Variants in ZNF652 observed in about 807,000 individuals in gnomAD.
ZNF652 encodes the protein zinc finger protein 652.
A neutral mutation model predicts 45.2 loss-of-function variants in ZNF652; 16 were observed. The observed-to-expected ratio is 0.35, with a 90% confidence interval of 0.24 to 0.54. The LOEUF is 0.54. ZNF652 is among the 20% of genes least tolerant of loss of function. The pLI is 0.91. For missense variants in ZNF652, 614 were observed against 765.6 expected (o/e 0.80, Z 2.34); for synonymous variants, 250 against 260.6 (o/e 0.96, Z 0.39).
intron 1 of ZNF652, among the ~76,000 whole-genome samples, chr17:49,321,354 C>T: frequency 6.6e-6 from 1 of 151,704 alleles, no homozygotes; most frequent in South Asian, 2.1e-4. Flanking sequence ...ACCTCTGCCT[C>T]CCGGGTTCAA....
At position 49,296,416 on chromosome 17, in the gene ZNF652, G is replaced by T. The variant is rs1205324022; in HGVS notation, c.*1997C>A. On this transcript the variant is annotated 3_prime_UTR_variant, in exon 6 of 6. Coordinates refer to ENST00000430262, the MANE Select transcript of ZNF652 (RefSeq NM_001145365.3). Reference sequence around the variant, plus strand: ...TATGGACTTAATCTCAATTGAAAGAGTTCATTTTTTCTTACCACAGAGCTC... The same window carrying T: ...TATGGACTTAATCTCAATTGAAAGATTTCATTTTTTCTTACCACAGAGCTC... 6.6e-6 allele frequency: 1 copy of T among 152,518 alleles called. No homozygotes were observed. Among genetic ancestry groups the T allele is most frequent in the African/African-American group, 2.4e-5 (1 of 41,410 alleles). 9.4% of individuals were successfully genotyped at this position (152,518 alleles called of 1,614,324 possible). A position where few individuals can be genotyped will look rare whatever the true frequency, so the allele number is the denominator to read the frequency against.
rs1481178311 is a variant in ZNF652, at chr17:49,347,735, G to GGTTTTTTTTTTTTTTTT, written c.-259+14173_-259+14174insAAAAAAAAAAAAAAAAC. Among the ~76,000 whole-genome samples the GGTTTTTTTTTTTTTTTT allele has an allele frequency of 2.4e-5, 3 of 124,410 alleles. 1 individual carries two copies. The highest frequency in any genetic ancestry group is 1.6e-5 in the Non-Finnish European group (1 of 61,822). 81.6% of individuals were successfully genotyped at this position (124,410 alleles called of 152,430 possible). A position where few individuals can be genotyped will look rare whatever the true frequency, so the allele number is the denominator to read the frequency against. On this transcript the variant is annotated intron_variant, in intron 1 of 5. Coordinates refer to ENST00000430262, the MANE Select transcript of ZNF652 (RefSeq NM_001145365.3). ...TGCCTGCAAGAAAAATTGAACCTTGGTTTTGTTTTTTTTTTTTTTTTTTTT... is the reference window on the plus strand; with the variant it reads ...TGCCTGCAAGAAAAATTGAACCTTGGGTTTTTTTTTTTTTTTTTTTTGTTTTTTTTTTTTTTTTTTTT...
At chr17:49,345,404 T>C (rs529259680) in intron 1 of ZNF652, among the ~76,000 whole-genome samples, 27 of 151,528 alleles carry the variant, frequency 1.8e-4, no homozygotes, top group African/African-American at 6.3e-4. Context: ...GGTTTCACCA[T>C]GTTGGCCAGC....
intron 5 of ZNF652, among the ~76,000 whole-genome samples, chr17:49,302,884 C>T (rs976415143): frequency 6.6e-6 from 1 of 151,874 alleles, no homozygotes; most frequent in Non-Finnish European, 1.5e-5. Flanking sequence ...ATCGCTTGAA[C>T]CCAGGAGGCA....
At chr17:49,309,739 A>G (rs545295490) in intron 5 of ZNF652, among the ~76,000 whole-genome samples, 163 of 152,178 alleles carry the variant, frequency 1.1e-3, no homozygotes, top group Non-Finnish European at 1.4e-3. Flanking sequence ...TTCAGGTCTA[A>G]TTTAACTAAT....
chr17:49,321,125 C>T lies in ZNF652; in HGVS notation c.-258-3142G>A, dbSNP rs144451981. On this transcript the variant is annotated intron_variant, in intron 1 of 5. Transcript: ENST00000430262. ...TGAGAAGTGACAGAGAGAGGCAGGG[C>T]ATTTACTAACCAATATAAAATCCTT... Among the ~76,000 whole-genome samples, 18 of 152,282 alleles carry T rather than the reference C, an allele frequency of 1.2e-4. No individual in the cohort carries two copies. The East Asian group carries it at 2.7e-3, about 23-fold the overall frequency.
rs1018764561 is a variant in ZNF652, at chr17:49,297,472, C to G, written c.*941G>C. On this transcript the variant is annotated 3_prime_UTR_variant, in exon 6 of 6. Transcript: ENST00000430262. Reference sequence around the variant, plus strand: ...CAAATCATTTCATGTAATGCACTAACGAAGCCAAGCAGAACATGGAGGACA... The same window carrying G: ...CAAATCATTTCATGTAATGCACTAAGGAAGCCAAGCAGAACATGGAGGACA... 6.6e-6 allele frequency: 1 copy of G among 152,386 alleles called. No homozygotes were observed. Among genetic ancestry groups the G allele is most frequent in the Non-Finnish European group, 1.5e-5 (1 of 68,024 alleles). 9.4% of individuals were successfully genotyped at this position (152,386 alleles called of 1,614,324 possible).
intron 1 of ZNF652, among the ~76,000 whole-genome samples, chr17:49,338,328 C>T (rs146107504): frequency 6.6e-6 from 1 of 152,060 alleles, no homozygotes; most frequent in African/African-American, 2.4e-5. Flanking sequence ...GAACCAACAC[C>T]TTCTGCTAGA....
chr17:49,305,553 CAGTAT>C (rs2069617715), intron 5 of ZNF652, among the ~76,000 whole-genome samples: 2 of 152,156 alleles, frequency 1.3e-5, no homozygotes, highest in African/African-American at 4.8e-5. Flanking sequence ...GTGCTTACAA[CAGTAT>C]CTGGTAAAGT....
chr17:49,301,941 T>C (rs190815459), intron 5 of ZNF652, among the ~76,000 whole-genome samples: 1 of 151,672 alleles, frequency 6.6e-6, no homozygotes, highest in East Asian at 2.0e-4. Flanking sequence ...ATTTGTTTGA[T>C]GGAAAATACC....
intron 1 of ZNF652, among the ~76,000 whole-genome samples, chr17:49,357,959 A>G (rs183663956): frequency 2.0e-5 from 3 of 152,244 alleles, no homozygotes; most frequent in Admixed American, 6.5e-5. Context: ...AAATGAAAAA[A>G]TGCAGATCGC....
At chr17:49,312,331 A>G (rs996879451) in intron 3 of ZNF652, among the ~76,000 whole-genome samples, 1 of 151,572 alleles carries the variant, frequency 6.6e-6, no homozygotes. Context: ...ACGCCCAGCT[A>G]ATTTTTGTAT....
intron 1 of ZNF652, among the ~76,000 whole-genome samples, chr17:49,328,226 C>T (rs955812994): frequency 6.6e-5 from 10 of 151,726 alleles, no homozygotes; most frequent in African/African-American, 1.9e-4. Context: ...GAACAGGCCA[C>T]GGGAAGTTTC....
At chr17:49,330,223 A>T (rs1186943035) in intron 1 of ZNF652, among the ~76,000 whole-genome samples, 2 of 152,196 alleles carry the variant, frequency 1.3e-5, no homozygotes, top group Non-Finnish European at 2.9e-5. Flanking sequence ...ATAACCTTGG[A>T]AGGTCTCAGT....
chr17:49,351,553 C>A (rs1310017379), intron 1 of ZNF652, among the ~76,000 whole-genome samples: 2 of 152,036 alleles, frequency 1.3e-5, no homozygotes. Context: ...TGGTGTCATG[C>A]AATTTCACTA....
At chr17:49,339,310 CTTTTTTTTTTTTT>C (rs36110074) in intron 1 of ZNF652, among the ~76,000 whole-genome samples, 3 of 110,976 alleles carry the variant, frequency 2.7e-5, no homozygotes, top group Non-Finnish European at 5.4e-5. Flanking sequence ...TCAAGTGATT[CTTTTTTTTTTTTT>C]TTTTTTTTTA....
chr17:49,353,603 T>C (rs1003879703), intron 1 of ZNF652, among the ~76,000 whole-genome samples: 1 of 152,122 alleles, frequency 6.6e-6, no homozygotes. Context: ...TAGGGCAGTG[T>C]TTTTTTCAAA....
chr17:49,300,562 A>G (rs181563500), intron 5 of ZNF652, among the ~76,000 whole-genome samples: 174 of 152,214 alleles, frequency 1.1e-3, no homozygotes, highest in Non-Finnish European at 2.1e-3. Flanking sequence ...ATGTCCATCA[A>G]TCATTTTGTA....
intron 5 of ZNF652, among the ~76,000 whole-genome samples, chr17:49,301,790 G>A (rs2069555962): frequency 6.6e-6 from 1 of 152,124 alleles, no homozygotes; most frequent in Non-Finnish European, 1.5e-5. Context: ...ACTTTGGGAG[G>A]CCAAGGCAGG....
Sources: allele counts gnomAD v4.1 joint callset (sites outside exome capture counted in the v4.1 genomes callset), GRCh38; gene constraint gnomAD v4.1.1; transcripts MANE v1.5; gene names NCBI Gene and HGNC (gene_info 2026-07-23, HGNC 2026-07-21).